ARHGAP39: variants seen among roughly 807,000 people sequenced by gnomAD.
ARHGAP39 encodes Rho GTPase activating protein 39, also known as rho GTPase-activating protein 39.
Under a neutral mutation model 106.9 loss-of-function variants are expected in ARHGAP39, and 44 were observed. The ratio of observed to expected loss-of-function variants is 0.41; its 90% CI spans 0.32 to 0.53. The LOEUF (loss-of-function observed/expected upper bound fraction) is 0.53. Ranked by LOEUF, ARHGAP39 falls within the 20% of genes least tolerant of loss-of-function variation. The pLI, the probability that ARHGAP39 is intolerant of heterozygous loss-of-function variation, is 0.21. For missense variants in ARHGAP39, 1,496 were observed against 1,577.3 expected, an observed-to-expected ratio of 0.95 and a Z score of 0.87; for synonymous variants, 768 against 693.2, an observed-to-expected ratio of 1.11 and a Z score of -1.69.
intron 1 of ARHGAP39, among the ~76,000 whole-genome samples, chr8:144,628,561 T>A (rs1820982906): frequency 6.6e-6 from 1 of 151,922 alleles, no homozygotes; most frequent in Non-Finnish European, 1.5e-5. Flanking sequence ...ACAACCACAG[T>A]GGGAGATTTA....
intron 3 of ARHGAP39, among the ~76,000 whole-genome samples, chr8:144,571,091 C>T (rs1018529533): frequency 2.6e-5 from 4 of 152,248 alleles, no homozygotes; most frequent in Admixed American, 1.3e-4. Context: ...GAAACTATTC[C>T]AATCAACAGA....
intron 1 of ARHGAP39, among the ~76,000 whole-genome samples, chr8:144,675,659 G>A (rs192491542): frequency 6.6e-6 from 1 of 151,348 alleles, no homozygotes; most frequent in East Asian, 1.9e-4. Context: ...CCTGCCGGTG[G>A]GTTCGTGGTC....
chr8:144,569,201 T>C (rs1367338908), intron 3 of ARHGAP39, among the ~76,000 whole-genome samples: 2 of 152,234 alleles, frequency 1.3e-5, no homozygotes, highest in Non-Finnish European at 2.9e-5. Context: ...AGAATATTTC[T>C]AGGAACAAAG....
At chr8:144,629,159 C>G (rs1209099173) in intron 1 of ARHGAP39, among the ~76,000 whole-genome samples, 2 of 152,226 alleles carry the variant, frequency 1.3e-5, no homozygotes, top group African/African-American at 4.8e-5. Flanking sequence ...GTTGCAAACT[C>G]TAGGTTTGAG....
chr8:144,641,438 G>GACCACCAAGAC lies in ARHGAP39; in HGVS notation c.-81-35744_-81-35743insGTCTTGGTGGT. ...AAGCTGACCACCAAGACCCCACCAT[G>GACCACCAAGAC]CTCACATCGAGGAGGAATGCAGTGG... On this transcript the variant is annotated intron_variant, in intron 1 of 11. Coordinates refer to ENST00000377307, the MANE Select transcript of ARHGAP39 (RefSeq NM_025251.3). This position sits in a 1 kb window ranked among gnomAD's most constrained non-coding sequence, Gnocchi z 5.2. Among the ~76,000 whole-genome samples the GACCACCAAGAC allele has an allele frequency of 6.6e-6, 1 of 152,116 alleles. No homozygotes were observed. The highest frequency in any genetic ancestry group is 1.5e-5 in the Non-Finnish European group (1 of 68,012).
Position 144,646,947 on chromosome 8 carries a change from ATCTGC to A in ARHGAP39, c.-82+38734_-82+38738del, listed in dbSNP as rs1174363287. Reference sequence around the variant, plus strand: ...TCCCTGATGGGGCACAGCTGGAGGCATCTGCTCTGCTCTGACCATTTTTTTTTTTT... The same window carrying A: ...TCCCTGATGGGGCACAGCTGGAGGCATCTGCTCTGACCATTTTTTTTTTTT... On this transcript the variant is annotated intron_variant, in intron 1 of 11. Transcript: ENST00000377307. The surrounding 1 kb of genome is among the most constrained non-coding windows in gnomAD (Gnocchi z 5.7). Among the ~76,000 whole-genome samples, 1 of 148,852 alleles carries A rather than the reference ATCTGC, an allele frequency of 6.7e-6. No homozygotes were observed. The highest frequency in any genetic ancestry group is 1.5e-5 in the Non-Finnish European group (1 of 67,642).
intron 2 of ARHGAP39, among the ~76,000 whole-genome samples, chr8:144,587,922 C>T (rs992223400): frequency 7.2e-5 from 11 of 152,206 alleles, no homozygotes; most frequent in South Asian, 2.1e-4. Context: ...GGATTACAGG[C>T]GTGAGCCACC....
chr8:144,601,487 CCT>C (rs1491581341), intron 2 of ARHGAP39, among the ~76,000 whole-genome samples: 1 of 104,658 alleles, frequency 9.6e-6, no homozygotes, highest in East Asian at 3.0e-4. Flanking sequence ...AGCTCATGTA[CCT>C]GTGTGTGTGT....
intron 7 of ARHGAP39, among the ~76,000 whole-genome samples, chr8:144,536,531 A>T (rs1174504000): frequency 3.9e-5 from 6 of 152,150 alleles, no homozygotes; most frequent in African/African-American, 1.4e-4. Context: ...CTCAGGTAGG[A>T]GCGCAAAGCT....
intron 4 of ARHGAP39, among the ~76,000 whole-genome samples, chr8:144,552,832 T>A (rs72697654): frequency 0.018 from 2,786 of 152,076 alleles, 30 homozygotes; most frequent in Non-Finnish European, 0.031. Flanking sequence ...ACTGCATCCA[T>A]ATAATTTATT....
At chr8:144,569,901 T>C (rs1053777585) in intron 3 of ARHGAP39, among the ~76,000 whole-genome samples, 4 of 151,758 alleles carry the variant, frequency 2.6e-5, no homozygotes, top group African/African-American at 9.7e-5. Flanking sequence ...GTGGGGAAAA[T>C]GAGGACAGAG....
chr8:144,591,207 C>G lies in ARHGAP39; in HGVS notation c.81-9930G>C, dbSNP rs1406067775. Among the ~76,000 whole-genome samples the G allele has an allele frequency of 6.6e-6, 1 of 152,200 alleles. No individual in the cohort carries two copies. Among genetic ancestry groups the G allele is most frequent in the Non-Finnish European group, 1.5e-5 (1 of 68,034 alleles). On this transcript the variant is annotated intron_variant, in intron 2 of 11. Coordinates refer to ENST00000377307, the MANE Select transcript of ARHGAP39 (RefSeq NM_025251.3). This position sits in a 1 kb window ranked among gnomAD's most constrained non-coding sequence, Gnocchi z 5.3. ...CTGTCCATACACCTCCTCTCCCCAG[C>G]CGGAGCCTGGACCCCAATGGACAGC...
intron 2 of ARHGAP39, 95 bp from the exon 3 acceptor site, chr8:144,581,372 A>G: frequency 2.3e-6 from 3 of 1,317,560 alleles, no homozygotes; most frequent in Non-Finnish European, 3.1e-6. Flanking sequence ...CAGCTGCGAA[A>G]CCCAGAAATC....
chr8:144,661,405 C>T (rs1334117879), intron 1 of ARHGAP39, among the ~76,000 whole-genome samples: 3 of 152,194 alleles, frequency 2.0e-5, no homozygotes, highest in Non-Finnish European at 4.4e-5. Context: ...AGGAACAGCA[C>T]CCTCACTCCT....
At chr8:144,601,248 AG>A (rs1043708220) in intron 2 of ARHGAP39, among the ~76,000 whole-genome samples, 1 of 78,972 alleles carries the variant, frequency 1.3e-5, no homozygotes, top group Non-Finnish European at 2.5e-5. Context: ...GTGTGCATGG[AG>A]GCGTGTGTGC....
intron 3 of ARHGAP39, among the ~76,000 whole-genome samples, chr8:144,556,040 C>T (rs1247120783): frequency 6.6e-6 from 1 of 152,228 alleles, no homozygotes; most frequent in African/African-American, 2.4e-5. Flanking sequence ...AATCCCAGCA[C>T]TGGGGGAGGC....
chr8:144,574,086 T>C (rs899504513), intron 3 of ARHGAP39, among the ~76,000 whole-genome samples: 1 of 146,830 alleles, frequency 6.8e-6, no homozygotes, highest in African/African-American at 2.5e-5. Context: ...TGCACGAGAA[T>C]TGCTTGAACC....
chr8:144,600,056 T>C (rs535739810), intron 2 of ARHGAP39, among the ~76,000 whole-genome samples: 12 of 151,776 alleles, frequency 7.9e-5, no homozygotes, highest in African/African-American at 1.5e-4. Context: ...CATGCATGCA[T>C]GTTCATGTAC....
Position 144,547,433 on chromosome 8 carries a change from C to G in ARHGAP39, c.1653G>C (p.Glu551Asp). ...GEAEGARGAA[E>D]PFLAQARLAW... The stretch of plus-strand genomic sequence containing the variant: ...CCAGCCGAGCCTGCGCCAGGAAGGG[C>G]TCGGCCGCGCCCCGCGCCCCTTCGG... The change falls in exon 5 of 12, where the codon GAG (glutamate) becomes GAC (aspartate). Residue 551 changes from glutamate (E) to aspartate (D), a missense_variant. By Grantham distance (45) the Glu-to-Asp change is conservative. Around this residue, in one of 4 missense-constraint regions of ARHGAP39, gnomAD observed 905 missense variants for 816.4 expected, o/e 1.11. Coordinates refer to ENST00000377307, the MANE Select transcript of ARHGAP39 (RefSeq NM_025251.3). The surrounding 1 kb of genome is among the most constrained non-coding windows in gnomAD (Gnocchi z 5.2). The G allele has an allele frequency of 6.3e-7, 1 of 1,582,910 alleles. No individual in the cohort carries two copies. The highest frequency in any genetic ancestry group is 8.5e-7 in the Non-Finnish European group (1 of 1,171,572).
Sources: gnomAD v4.1 joint callset for allele counts (sites outside exome capture counted in the v4.1 genomes callset) on GRCh38, gnomAD v4.1.1 for gene constraint, gnomAD v4.1.1 regional missense constraint, Gnocchi (gnomAD v3.1) non-coding constraint, MANE v1.5 for transcripts, NCBI Gene and HGNC (gene_info 2026-07-23, HGNC 2026-07-21) for gene names.